EMB: variants seen among roughly 807,000 people sequenced by gnomAD.
EMB encodes embigin, also known as embigin homolog.
EMB carries 31 observed loss-of-function variants against 41.4 expected under a neutral mutation model. The observed-to-expected ratio is 0.75, with a 90% confidence interval of 0.56 to 1.01. EMB has a LOEUF of 1.01. EMB is among the 50% of genes least tolerant of loss of function. The pLI is 0.00. For synonymous variants in EMB, 137 were observed against 140.4 expected (o/e 0.98, Z 0.17); for missense variants, 379 against 388.3 (o/e 0.98, Z 0.20).
chr5:50,422,410 C>T (rs970423282), intron 2 of EMB, among the ~76,000 whole-genome samples: 6 of 152,130 alleles, frequency 3.9e-5, no homozygotes, highest in Non-Finnish European at 7.4e-5. Context: ...GTACTTCTTA[C>T]TTTGGGAAGT....
At chr5:50,430,976 G>C (rs527374849) in intron 1 of EMB, among the ~76,000 whole-genome samples, 30 of 152,312 alleles carry the variant, frequency 2.0e-4, no homozygotes, top group African/African-American at 6.5e-4. Flanking sequence ...GAAACACCAA[G>C]TTTCCAGAGG....
intron 1 of EMB, among the ~76,000 whole-genome samples, chr5:50,429,050 C>T (rs900029432): frequency 8.5e-5 from 13 of 152,224 alleles, no homozygotes; most frequent in African/African-American, 2.9e-4. Context: ...CTCCCGCCAC[C>T]ACGCCCAGCT....
chr5:50,442,877 C>T (rs997865733), upstream of EMB: 1 of 152,160 alleles, frequency 6.6e-6, no homozygotes, highest in African/African-American at 2.4e-5. Context: ...AATCCTTAGA[C>T]ACAAATTCAC....
Position 50,403,297 on chromosome 5 carries a change from A to T in EMB, c.758T>A (p.Val253Glu). Residue 253 changes from valine to glutamate, a missense_variant, in exon 6 of 9, where the codon GTG (valine) becomes GAG (glutamate). Coordinates refer to ENST00000303221, the MANE Select transcript of EMB (RefSeq NM_198449.3). ...LGESEEHIEL[V>E]VLSYLVPLKP... ...GAGGGGCACCAAATAGCTCAGCACC[A>T]CAAGCTCAATGTGTTCTTCACTCTC... The T allele has an allele frequency of 6.2e-7, 1 of 1,612,864 alleles. No homozygotes were observed.
In EMB at chr5:50,412,257, G is replaced by GACACACAC. The variant is rs59853245; in HGVS notation, c.197-882_197-875dup. ...CACACACACCACACACACACACACA[G>GACACACAC]ACACACACACACACACACACACACA... is the stretch of plus-strand genomic sequence containing the variant. On this transcript the variant is annotated intron_variant, in intron 2 of 8. Transcript: ENST00000303221. Among the ~76,000 whole-genome samples the GACACACAC allele has an allele frequency of 3.0e-4, 42 of 141,744 alleles. 1 individual carries two copies. In the South Asian group the frequency reaches 4.6e-3, roughly 16 times the overall value. The allele number at this position is 141,744 out of a possible 152,430, so 93.0% of individuals were successfully genotyped here.
At chr5:50,426,910 A>AG (rs1456156608) in intron 2 of EMB, among the ~76,000 whole-genome samples, 1 of 151,646 alleles carries the variant, frequency 6.6e-6, no homozygotes, top group Non-Finnish European at 1.5e-5. Flanking sequence ...AAAAAAAAAA[A>AG]AAAAACACTT....
In EMB at chr5:50,441,034, TCA is replaced by T; in HGVS notation, c.112+4_112+5del. 1 of 1,488,120 alleles carries T rather than the reference TCA, an allele frequency of 6.7e-7. No individual in the cohort carries two copies. The allele number at this position is 1,488,120 out of a possible 1,614,324, so 92.2% of individuals were successfully genotyped here. ...CTCCCTACCCTGGACCCTGTACCCATCACACCTGGGGCACTGCCGTCCGCCGA... is the reference window on the plus strand; with the variant it reads ...CTCCCTACCCTGGACCCTGTACCCATCACCTGGGGCACTGCCGTCCGCCGA... On this transcript the variant is annotated splice_donor_5th_base_variant and intron_variant, in intron 1 of 8. Coordinates refer to ENST00000303221, the MANE Select transcript of EMB (RefSeq NM_198449.3).
chr5:50,440,458 GGGA>G (rs1228904007), intron 1 of EMB, among the ~76,000 whole-genome samples: 1 of 146,924 alleles, frequency 6.8e-6, no homozygotes, highest in Non-Finnish European at 1.5e-5. Flanking sequence ...GCTTGAACCC[GGGA>G]GGAGGAGGTT....
intron 2 of EMB, among the ~76,000 whole-genome samples, chr5:50,424,780 T>TA (rs1001579293): frequency 6.6e-6 from 1 of 152,136 alleles, no homozygotes; most frequent in Non-Finnish European, 1.5e-5. Context: ...CTAGGAATGG[T>TA]GTTAAACAAC....
chr5:50,419,542 CACACAT>C lies in EMB; in HGVS notation c.197-8165_197-8160del, dbSNP rs1057507028. On this transcript the variant is annotated intron_variant, in intron 2 of 8. Transcript: ENST00000303221. ...AAACAGAACCCCCACTACATACACA[CACACAT>C]ACACACACACACACACACACACAGA... Among the ~76,000 whole-genome samples, 15 of 143,326 alleles carry C rather than the reference CACACAT, an allele frequency of 1.0e-4. No homozygotes were observed. In the East Asian group the frequency reaches 1.2e-3, roughly 11 times the overall value. The allele number at this position is 143,326 out of a possible 152,430, so 94.0% of individuals were successfully genotyped here. A position where few individuals can be genotyped will look rare whatever the true frequency, so the allele number is the denominator to read the frequency against.
rs1448086157 is a variant in EMB, at chr5:50,396,297, A to T, written c.*2976T>A. 3.9e-5 allele frequency: 6 copies of T among 152,316 alleles called. 1 individual carries two copies. The South Asian group carries it at 1.0e-3, about 26-fold the overall frequency. The allele number at this position is 152,316 out of a possible 1,614,324, so 9.4% of individuals were successfully genotyped here. A position where few individuals can be genotyped will look rare whatever the true frequency, so the allele number is the denominator to read the frequency against. ...GAATAAGCAGAAATTTACAAAATTT[A>T]ATTTTTATTTATACATTCATCCGTT... On this transcript the variant is annotated 3_prime_UTR_variant, in exon 9 of 9. Coordinates refer to ENST00000303221, the MANE Select transcript of EMB (RefSeq NM_198449.3).
chr5:50,417,934 G>A (rs1379351490), intron 2 of EMB, among the ~76,000 whole-genome samples: 1 of 152,138 alleles, frequency 6.6e-6, no homozygotes, highest in Non-Finnish European at 1.5e-5. Flanking sequence ...ACTAAACAAA[G>A]CTCCTATCAG....
At position 50,411,313 on chromosome 5, in the gene EMB, C is replaced by G. The variant is rs368682010; in HGVS notation, c.267G>C (p.Gln89His). The G allele has an allele frequency of 6.2e-7, 1 of 1,612,982 alleles. No homozygotes were observed. The highest frequency in any genetic ancestry group is 8.5e-7 in the Non-Finnish European group (1 of 1,179,374). Residue 89 changes from glutamine (Q) to histidine (H), a missense_variant, in exon 3 of 9, where the codon CAG (glutamine) becomes CAC (histidine). Transcript: ENST00000303221. ...ERPSNVNLTC[Q>H]FTTSGDLNAV... The stretch of plus-strand genomic sequence containing the variant: ...CATTCAAATCCCCAGATGTTGTGAA[C>G]TGGCATGTGAGATTTACATTAGAAG...
intron 2 of EMB, among the ~76,000 whole-genome samples, chr5:50,415,134 G>C (rs1262295436): frequency 6.6e-6 from 1 of 152,082 alleles, no homozygotes; most frequent in Non-Finnish European, 1.5e-5. Flanking sequence ...TGAATCACAT[G>C]CAGTAGTATT....
chr5:50,438,164 C>G (rs1745836370), intron 1 of EMB, among the ~76,000 whole-genome samples: 1 of 152,176 alleles, frequency 6.6e-6, no homozygotes, highest in Non-Finnish European at 1.5e-5. Context: ...AAAACAGGCA[C>G]TGGATGGACC....
In EMB at chr5:50,412,638, C is replaced by A. The variant is rs565725761; in HGVS notation, c.197-1255G>T. On this transcript the variant is annotated intron_variant, in intron 2 of 8. Transcript: ENST00000303221. ...TGTATAAGCCCCCACTTTTAACTGG[C>A]CCTTTGAGCTACATGTTTTGGTAAC... Among the ~76,000 whole-genome samples the A allele has an allele frequency of 2.0e-5, 3 of 148,020 alleles. No homozygotes were observed. In the East Asian group the frequency reaches 6.1e-4, roughly 30 times the overall value.
chr5:50,413,651 C>T (rs1579728161), intron 2 of EMB, among the ~76,000 whole-genome samples: 3 of 151,518 alleles, frequency 2.0e-5, no homozygotes, highest in East Asian at 3.9e-4. Context: ...TCTCAGCTCA[C>T]TGCAACCTCC....
At chr5:50,407,400 T>C (rs1311633938) in intron 4 of EMB, among the ~76,000 whole-genome samples, 1 of 151,988 alleles carries the variant, frequency 6.6e-6, no homozygotes, top group Non-Finnish European at 1.5e-5. Flanking sequence ...GAGGAACACA[T>C]GACTATGTTA....
At position 50,409,733 on chromosome 5, in the gene EMB, A is replaced by G. The variant is rs573854542; in HGVS notation, c.472+1144T>C. ...GGAGGGAAAAATGAAATGCATAAGG[A>G]AAAGGAAACTGAAAGGAAATGTATA... On this transcript the variant is annotated intron_variant, in intron 4 of 8. Transcript: ENST00000303221. 6.3e-4 allele frequency among the ~76,000 whole-genome samples: 96 copies of G among 152,126 alleles called. 1 individual carries two copies. Among genetic ancestry groups the G allele is most frequent in the Non-Finnish European group, 8.4e-4 (57 of 67,972 alleles).
Sources: allele counts gnomAD v4.1 joint callset (sites outside exome capture counted in the v4.1 genomes callset), GRCh38; gene constraint gnomAD v4.1.1; transcripts MANE v1.5; gene names NCBI Gene and HGNC (gene_info 2026-07-23, HGNC 2026-07-21).